Variants in LINGO2 observed in about 807,000 individuals in gnomAD.
LINGO2 encodes leucine rich repeat and Ig domain containing 2, also known as leucine-rich repeat and immunoglobulin-like domain-containing nogo receptor-interacting protein 2.
Under a neutral mutation model 30.6 loss-of-function variants are expected in LINGO2, and 14 were observed. The ratio of observed to expected loss-of-function variants is 0.46; its 90% confidence interval spans 0.30 to 0.72. The LOEUF is 0.72. Ranked by LOEUF, LINGO2 falls within the 30% of genes least tolerant of loss-of-function variation. The probability of loss-of-function intolerance (pLI) is 0.07; values close to 1 mark genes in which losing one functional copy is unlikely to be tolerated. For missense variants in LINGO2, 729 were observed against 751.7 expected (o/e 0.97, Z 0.35); for synonymous variants, 317 against 288.5 (o/e 1.10, Z -1.00).
intron 1 of LINGO2, among the ~76,000 whole-genome samples, chr9:28,554,122 T>C (rs1052621904): frequency 1.3e-5 from 2 of 151,362 alleles, no homozygotes; most frequent in Non-Finnish European, 2.9e-5. Flanking sequence ...AACATCATAA[T>C]GACAGGATCA....
At chr9:28,183,231 A>T (rs1390651134) in intron 4 of LINGO2, among the ~76,000 whole-genome samples, 4 of 151,820 alleles carry the variant, frequency 2.6e-5, no homozygotes, top group Non-Finnish European at 4.4e-5. Flanking sequence ...ACATGTTCTC[A>T]CTCATAAGTG....
intron 3 of LINGO2, among the ~76,000 whole-genome samples, chr9:28,313,699 C>T (rs71512437): frequency 3.3e-5 from 5 of 152,102 alleles, no homozygotes; most frequent in African/African-American, 9.7e-5. Context: ...CGAGTTCAAG[C>T]TTTTAAATGA....
chr9:28,629,310 G>A (rs980383128), intron 1 of LINGO2, among the ~76,000 whole-genome samples: 2 of 152,070 alleles, frequency 1.3e-5, no homozygotes, highest in African/African-American at 2.4e-5. Context: ...TATAAACTGT[G>A]CTGAGCTACT....
chr9:28,265,561 A>C (rs563054046), intron 4 of LINGO2, among the ~76,000 whole-genome samples: 46 of 152,008 alleles, frequency 3.0e-4, no homozygotes, highest in Non-Finnish European at 5.0e-4. Context: ...TTTTGCTTTT[A>C]GGAAATATAC....
intron 4 of LINGO2, among the ~76,000 whole-genome samples, chr9:28,243,918 G>A (rs950574899): frequency 2.0e-5 from 3 of 152,132 alleles, no homozygotes; most frequent in Non-Finnish European, 4.4e-5. Context: ...ACAAATCCAT[G>A]AGACAGAAAA....
At chr9:28,105,438 A>G (rs192166992) in intron 4 of LINGO2, among the ~76,000 whole-genome samples, 198 of 152,330 alleles carry the variant, frequency 1.3e-3, no homozygotes, top group African/African-American at 4.5e-3. Flanking sequence ...ATAAATCATG[A>G]TAGTGAAAAC....
At chr9:28,258,445 A>G (rs1822452851) in intron 4 of LINGO2, among the ~76,000 whole-genome samples, 1 of 151,946 alleles carries the variant, frequency 6.6e-6, no homozygotes. Context: ...TTGTCAATAT[A>G]AACATATAAA....
chr9:27,999,842 G>A (rs1821859208), intron 5 of LINGO2, among the ~76,000 whole-genome samples: 1 of 151,304 alleles, frequency 6.6e-6, no homozygotes, highest in Non-Finnish European at 1.5e-5. Flanking sequence ...TGTATTAATG[G>A]CACATGTATG....
At chr9:28,714,905 G>C in the LINGO2 span, among the ~76,000 whole-genome samples, 1 of 152,112 alleles carries the variant, frequency 6.6e-6, no homozygotes, top group African/African-American at 2.4e-5. Context: ...TACTCATCCA[G>C]AAGCAGTTTT....
At chr9:28,831,156 G>T in the LINGO2 span, among the ~76,000 whole-genome samples, 1 of 152,194 alleles carries the variant, frequency 6.6e-6, no homozygotes, top group African/African-American at 2.4e-5. Flanking sequence ...ACGATGCTTA[G>T]TGATTTAACA....
chr9:28,652,975 C>G (rs62550182), intron 1 of LINGO2, among the ~76,000 whole-genome samples: 1,592 of 152,076 alleles, frequency 0.01, 16 homozygotes, highest in Admixed American at 0.015. Context: ...AAGGATATAG[C>G]TGAAACTCCA....
intron 5 of LINGO2, among the ~76,000 whole-genome samples, chr9:28,003,319 T>TC (rs2119162466): frequency 6.7e-6 from 1 of 149,020 alleles, no homozygotes; most frequent in South Asian, 2.1e-4. Flanking sequence ...TTAGTTTTTG[T>TC]TAACCATATA....
the LINGO2 span, among the ~76,000 whole-genome samples, chr9:28,857,904 A>C: frequency 2.0e-5 from 3 of 151,966 alleles, no homozygotes; most frequent in African/African-American, 2.4e-5. Flanking sequence ...TAATTTTTTT[A>C]ATGTTTTAAA....
chr9:28,623,618 T>A (rs1414205846), intron 1 of LINGO2, among the ~76,000 whole-genome samples: 3 of 152,126 alleles, frequency 2.0e-5, no homozygotes. Flanking sequence ...TAATTTAAAG[T>A]TAGGTATTGT....
the LINGO2 span, among the ~76,000 whole-genome samples, chr9:28,877,846 A>G: frequency 6.6e-6 from 1 of 152,068 alleles, no homozygotes; most frequent in Non-Finnish European, 1.5e-5. Context: ...CTTGGGCAGT[A>G]TGGCCATTTT....
chr9:28,443,421 T>C (rs1824278479), intron 2 of LINGO2, among the ~76,000 whole-genome samples: 1 of 152,156 alleles, frequency 6.6e-6, no homozygotes, highest in South Asian at 2.1e-4. Context: ...ACTGAGTTGG[T>C]GGGGCAGGAG....
chr9:28,217,664 G>A (rs1163981775), intron 4 of LINGO2, among the ~76,000 whole-genome samples: 1 of 151,760 alleles, frequency 6.6e-6, no homozygotes, highest in Non-Finnish European at 1.5e-5. Flanking sequence ...TTGCCTTGAT[G>A]TCCAAAATAG....
chr9:28,549,398 TCTAA>T (rs1822150775), intron 1 of LINGO2, among the ~76,000 whole-genome samples: 1 of 152,108 alleles, frequency 6.6e-6, no homozygotes, highest in South Asian at 2.1e-4. Context: ...TTCTTGCCTG[TCTAA>T]CTAAAGGAAT....
At chr9:28,338,463 G>T (rs1825659954) in intron 3 of LINGO2, among the ~76,000 whole-genome samples, 1 of 152,142 alleles carries the variant, frequency 6.6e-6, no homozygotes, top group South Asian at 2.1e-4. Context: ...TTGGGGAACT[G>T]TTGGAAGGCC....
Sources: gnomAD v4.1 joint callset for allele counts (sites outside exome capture counted in the v4.1 genomes callset) on GRCh38, gnomAD v4.1.1 for gene constraint, MANE v1.5 for transcripts, NCBI Gene and HGNC (gene_info 2026-07-23, HGNC 2026-07-21) for gene names.